The following FLT4 variants were observed in gnomAD, a reference collection of about 807,000 sequenced individuals.
FLT4 encodes vascular endothelial growth factor receptor 3.
Under a neutral mutation model 163.2 loss-of-function variants are expected in FLT4, and 30 were observed. That is an observed-to-expected ratio of 0.18 (90% CI 0.14 to 0.25). The LOEUF (loss-of-function observed/expected upper bound fraction) is 0.25, where lower values mean the gene tolerates loss of function less well. Ranked by LOEUF, FLT4 falls within the 10% of genes least tolerant of loss-of-function variation. The pLI is 1.00. For synonymous variants in FLT4, 884 were observed against 789.5 expected, an observed-to-expected ratio of 1.12 and a Z score of -2.01; for missense variants, 1,510 against 1,863.8, an observed-to-expected ratio of 0.81 and a Z score of 3.50.
Position 180,625,895 on chromosome 5 carries a change from G to A in FLT4, c.1395C>T (p.Pro465=), listed in dbSNP as rs202201360. Reference sequence around the variant, plus strand: ...GACTACGCTGGGCAAACATCTTGCAGGGTGTCCAGGGCCGCCAGTGCCACT... The same window carrying A: ...GACTACGCTGGGCAAACATCTTGCAAGGTGTCCAGGGCCGCCAGTGCCACT... ...SIQWHWRPWT[P]CKMFAQRSLR... The change falls in exon 10 of 30, where the codon CCC becomes CCT. Residue 465 remains proline (P), a synonymous_variant. Transcript: ENST00000261937. The A allele has an allele frequency of 5.0e-6, 8 of 1,612,172 alleles. No individual in the cohort carries two copies. In the East Asian group the frequency reaches 1.1e-4, roughly 22 times the overall value.
intron 12 of FLT4, among the ~76,000 whole-genome samples, chr5:180,622,163 GC>G (rs1247465276): frequency 6.6e-6 from 1 of 152,098 alleles, no homozygotes; most frequent in Non-Finnish European, 1.5e-5. Context: ...GTGTTCCCTG[GC>G]TTTTCCCAGT....
chr5:180,648,550 C>T (rs1765587950), intron 1 of FLT4, among the ~76,000 whole-genome samples: 1 of 152,202 alleles, frequency 6.6e-6, no homozygotes, highest in Admixed American at 6.5e-5. Flanking sequence ...ACCCCTGACC[C>T]CGCCCTTACA....
chr5:180,618,388 C>G (rs1238830319), intron 21 of FLT4, among the ~76,000 whole-genome samples: 2 of 115,848 alleles, frequency 1.7e-5, no homozygotes, highest in African/African-American at 6.7e-5. Flanking sequence ...TACTCCAGAG[C>G]ACCCTCTCCT....
rs143634822 is a variant in FLT4 at position 180,621,894 on chromosome 5, G to A, written c.1668C>T (p.Asp556=). ...LIYFYVTTIP[D]GFTIESKPSE... ...ATGGCTTGGATTCGATGGTGAAGCC[G>A]TCGGGGATGGCTGTGGAGGGAGGAA... is the stretch of plus-strand genomic sequence containing the variant. Residue 556 remains aspartate, a synonymous_variant, in exon 13 of 30, where the codon GAC becomes GAT. Transcript: ENST00000261937. 6.8e-6 allele frequency: 11 copies of A among 1,613,356 alleles called. No individual in the cohort carries two copies. The highest frequency in any genetic ancestry group is 5.0e-5 in the Admixed American group (3 of 59,984).
chr5:180,645,698 G>A (rs57402539), intron 1 of FLT4, among the ~76,000 whole-genome samples: 6,180 of 152,314 alleles, frequency 0.041, 171 homozygotes, highest in South Asian at 0.12. Context: ...CCCGGCCAGG[G>A]CTGGCGCCCT....
At chr5:180,612,744 C>T (rs1016029981) in intron 25 of FLT4, 133 bp from the exon 26 acceptor site, 1 of 728,628 alleles carries the variant, frequency 1.4e-6, no homozygotes, top group East Asian at 2.7e-5. Flanking sequence ...TGTCCAGCTA[C>T]CCTCGTTCCT....
At position 180,630,519 on chromosome 5, in the gene FLT4, G is replaced by A. The variant is rs1380432881; in HGVS notation, c.400+36C>T. On this transcript the variant is annotated intron_variant, in intron 3 of 29. Transcript: ENST00000261937. The surrounding 1 kb of genome is among the most constrained non-coding windows in gnomAD (Gnocchi z 6.3). ...GGCGGTGTGGGCCCCAGCTGCCCGGGACCCTGCTCCAGCCTGGCCCGCCTC... is the reference window on the plus strand; with the variant it reads ...GGCGGTGTGGGCCCCAGCTGCCCGGAACCCTGCTCCAGCCTGGCCCGCCTC... 1.2e-6 allele frequency: 2 copies of A among 1,611,342 alleles called. No homozygotes were observed. The highest frequency in any genetic ancestry group is 2.2e-5 in the East Asian group (1 of 44,802).
At chr5:180,629,545 G>A in intron 6 of FLT4, 118 bp from the exon 7 acceptor site, 1 of 1,481,450 alleles carries the variant, frequency 6.8e-7, no homozygotes, top group Non-Finnish European at 9.2e-7. Flanking sequence ...CCCAGGCCCT[G>A]AGTTTTCTTT....
chr5:180,607,237 G>A (rs28495673), intron 29 of FLT4, among the ~76,000 whole-genome samples: 32,769 of 152,172 alleles, frequency 0.22, 3,953 homozygotes, highest in South Asian at 0.33. Flanking sequence ...TTCTATCTGG[G>A]ATATGTGGGT....
Position 180,636,964 on chromosome 5 carries a change from C to T in FLT4, c.59-5186G>A, listed in dbSNP as rs1044160790. The stretch of plus-strand genomic sequence containing the variant: ...CACAACACTGGCAGCACAAGGCCCC[C>T]ACAGGAGCTCCTCCCCCCCATTTTC... On this transcript the variant is annotated intron_variant, in intron 1 of 29. Coordinates refer to ENST00000261937, the MANE Select transcript of FLT4 (RefSeq NM_182925.5). The surrounding 1 kb of genome is among the most constrained non-coding windows in gnomAD (Gnocchi z 4.3). Among the ~76,000 whole-genome samples the T allele has an allele frequency of 2.0e-5, 3 of 152,072 alleles. No individual in the cohort carries two copies. Among genetic ancestry groups the T allele is most frequent in the Non-Finnish European group, 4.4e-5 (3 of 68,024 alleles).
At chr5:180,644,733 A>G (rs1270075066) in intron 1 of FLT4, among the ~76,000 whole-genome samples, 1 of 152,274 alleles carries the variant, frequency 6.6e-6, no homozygotes, top group Non-Finnish European at 1.5e-5. Context: ...ACTGCCGGAC[A>G]CGCCACATCT....
chr5:180,616,822 G>A (rs1198205096), intron 22 of FLT4, 78 bp downstream of exon 22: 7 of 1,103,796 alleles, frequency 6.3e-6, no homozygotes, highest in Non-Finnish European at 9.8e-6. Context: ...TGCAGGGTGA[G>A]GCCAGTACCA....
Position 180,619,654 on chromosome 5 carries a change from T to C in FLT4, c.2647+11A>G. On this transcript the variant is annotated intron_variant, in intron 18 of 29. Coordinates refer to ENST00000261937, the MANE Select transcript of FLT4 (RefSeq NM_182925.5). ...CAGCTAGGCTGCCCCTTCCGCCCGCTGACCCCACACCTTTCAGCATTTTCA... is the reference window on the plus strand; with the variant it reads ...CAGCTAGGCTGCCCCTTCCGCCCGCCGACCCCACACCTTTCAGCATTTTCA... 6.2e-7 allele frequency: 1 copy of C among 1,608,862 alleles called. No homozygotes were observed. Among genetic ancestry groups the C allele is most frequent in the Non-Finnish European group, 8.5e-7 (1 of 1,176,396 alleles).
Position 180,625,889 on chromosome 5 carries a change from C to T in FLT4, c.1401G>A (p.Lys467=), listed in dbSNP as rs1346106548. The T allele has an allele frequency of 6.2e-7, 1 of 1,612,032 alleles. No individual in the cohort carries two copies. The highest frequency in any genetic ancestry group is 8.5e-7 in the Non-Finnish European group (1 of 1,179,940). The change falls in exon 10 of 30, where the codon AAG becomes AAA. Residue 467 remains lysine (K), a synonymous_variant. Coordinates refer to ENST00000261937, the MANE Select transcript of FLT4 (RefSeq NM_182925.5). ...CTCACAGACTACGCTGGGCAAACAT[C>T]TTGCAGGGTGTCCAGGGCCGCCAGT... ...QWHWRPWTPC[K]MFAQRSLRRR...
intron 1 of FLT4, among the ~76,000 whole-genome samples, chr5:180,641,279 T>C (rs74575417): frequency 0.086 from 13,110 of 152,244 alleles, 617 homozygotes; most frequent in Middle Eastern, 0.1. Flanking sequence ...CATCAGCCCA[T>C]GGCTCTGTCC....
At chr5:180,619,831 C>A in intron 17 of FLT4, 62 bp from the exon 18 acceptor site, 1 of 1,300,244 alleles carries the variant, frequency 7.7e-7, no homozygotes, top group Non-Finnish European at 1.1e-6. Flanking sequence ...GACAGGTGGG[C>A]GGCGGGGGAG....
Position 180,621,016 on chromosome 5 carries a change from G to A in FLT4, c.2168-9C>T, listed in dbSNP as rs1298525055. On this transcript the variant is annotated splice_polypyrimidine_tract_variant and intron_variant, in intron 14 of 29. Coordinates refer to ENST00000261937, the MANE Select transcript of FLT4 (RefSeq NM_182925.5). ...GTCCGCCAAGTCGACTCCTGCAGGG[G>A]GTGGGGTGGAGGTGCGGGTCCACCT... 2 of 1,611,542 alleles carry A rather than the reference G, an allele frequency of 1.2e-6. No individual in the cohort carries two copies. Among genetic ancestry groups the A allele is most frequent in the East Asian group, 2.2e-5 (1 of 44,798 alleles).
chr5:180,620,770 C>G lies in FLT4; in HGVS notation c.2300-55G>C. ...TGTGTGTGTGTGTAAGAGCGTGCAC[C>G]TGCAGGCAGCACCCCTTCTGGTGGC... On this transcript the variant is annotated intron_variant, in intron 15 of 29. Coordinates refer to ENST00000261937, the MANE Select transcript of FLT4 (RefSeq NM_182925.5). The surrounding 1 kb of genome is among the most constrained non-coding windows in gnomAD (Gnocchi z 4.4). The G allele has an allele frequency of 6.3e-7, 1 of 1,596,206 alleles. No homozygotes were observed. Among genetic ancestry groups the G allele is most frequent in the Non-Finnish European group, 8.6e-7 (1 of 1,166,112 alleles).
chr5:180,626,412 T>C lies in FLT4; in HGVS notation c.1104-147A>G, dbSNP rs1763618294. On this transcript the variant is annotated intron_variant, in intron 8 of 29. Transcript: ENST00000261937. ...CGGGGAACACTGGTCTGCGAGGGGA[T>C]GGTCTAAGTCCCTGGAGATGGTCTC... The C allele has an allele frequency of 1.9e-5, 17 of 879,928 alleles. 1 individual carries two copies. The South Asian group carries it at 2.3e-4, about 12-fold the overall frequency. The allele number at this position is 879,928 out of a possible 1,614,324, so 54.5% of individuals were successfully genotyped here.
Sources: allele counts gnomAD v4.1 joint callset (sites outside exome capture counted in the v4.1 genomes callset), GRCh38; gene constraint gnomAD v4.1.1; non-coding constraint Gnocchi (gnomAD v3.1); transcripts MANE v1.5; gene names NCBI Gene and HGNC (gene_info 2026-07-23, HGNC 2026-07-21).